The following TIAM2 variants were observed in gnomAD, a reference collection of about 807,000 sequenced individuals.
The protein encoded by TIAM2 is rho guanine nucleotide exchange factor TIAM2.
In TIAM2, 80 loss-of-function variants were observed where a neutral mutation model predicts 152.9. That is an observed-to-expected ratio of 0.52 (90% CI 0.44 to 0.63). The LOEUF (loss-of-function observed/expected upper bound fraction) is 0.63, where lower values mean the gene tolerates loss of function less well. Ranked by LOEUF, TIAM2 falls within the 30% of genes least tolerant of loss-of-function variation. The probability of loss-of-function intolerance (pLI) is 0.00; values close to 1 mark genes in which losing one functional copy is unlikely to be tolerated. For missense variants in TIAM2, 1,965 were observed against 2,120.1 expected, an observed-to-expected ratio of 0.93 and a Z score of 1.44; for synonymous variants, 804 against 838.0, an observed-to-expected ratio of 0.96 and a Z score of 0.70.
chr6:155,185,499 TTTATTTATTTA>T (rs1781022788), intron 14 of TIAM2, among the ~76,000 whole-genome samples: 1 of 8,762 alleles, frequency 1.1e-4, no homozygotes, highest in South Asian at 3.5e-3. Context: ...CTTTTATTTA[TTTATTTATTTA>T]TTTATTTATT....
chr6:155,035,555 G>A (rs921576407), intron 1 of TIAM2, among the ~76,000 whole-genome samples: 1 of 152,130 alleles, frequency 6.6e-6, no homozygotes, highest in Admixed American at 6.6e-5. Context: ...TAATGTTGGA[G>A]TTTTGCAAAC....
Position 155,029,742 on chromosome 6 carries a change from C to CTATA in TIAM2, c.-209+34262_-209+34265dup, listed in dbSNP as rs60980296. On this transcript the variant is annotated intron_variant, in intron 1 of 26. Coordinates refer to ENST00000682666, the MANE Select transcript of TIAM2 (RefSeq NM_012454.4). ...AGTTATATAACTATATAGTATATAA[C>CTATA]TATATATATATATATGTAGAAAAAA... is the stretch of plus-strand genomic sequence containing the variant. 9.2e-3 allele frequency among the ~76,000 whole-genome samples: 1,166 copies of CTATA among 126,410 alleles called. 8 individuals carry two copies. Among genetic ancestry groups the CTATA allele is most frequent in the South Asian group, 0.027 (112 of 4,186 alleles). The allele number at this position is 126,410 out of a possible 152,430, so 82.9% of individuals were successfully genotyped here.
chr6:155,144,816 T>G (rs1348691494), intron 6 of TIAM2, 38 bp downstream of exon 6: 1 of 1,557,244 alleles, frequency 6.4e-7, no homozygotes, highest in Admixed American at 2.1e-5. Flanking sequence ...TAATAGCTTA[T>G]GTACTGCTAG....
chr6:155,253,301 C>T, intron 24 of TIAM2: 1 of 471,072 alleles, frequency 2.1e-6, no homozygotes, highest in Non-Finnish European at 3.8e-6. Context: ...CAATAGTTTT[C>T]AACATTTTCC....
At chr6:155,054,018 C>A (rs914451626) in intron 1 of TIAM2, among the ~76,000 whole-genome samples, 34 of 152,136 alleles carry the variant, frequency 2.2e-4, no homozygotes, top group African/African-American at 6.0e-4. Context: ...ACTAAAAATA[C>A]AAAATCTAGC....
intron 14 of TIAM2, among the ~76,000 whole-genome samples, chr6:155,189,831 C>CTCAGCA (rs1175345748): frequency 2.0e-5 from 3 of 152,106 alleles, no homozygotes; most frequent in Non-Finnish European, 4.4e-5. Context: ...GCACAGGGCT[C>CTCAGCA]TCAGCATCAG....
intron 14 of TIAM2, among the ~76,000 whole-genome samples, chr6:155,204,602 TA>T (rs1158567966): frequency 6.6e-6 from 1 of 152,214 alleles, no homozygotes; most frequent in Non-Finnish European, 1.5e-5. Context: ...TTCAGGATAG[TA>T]AAAGTATATA....
chr6:155,176,733 T>C (rs1780768183), intron 9 of TIAM2, 83 bp from the exon 10 acceptor site: 2 of 1,471,104 alleles, frequency 1.4e-6, no homozygotes, highest in Non-Finnish European at 1.9e-6. Flanking sequence ...AAATACTCCG[T>C]AAATGAACAG....
At chr6:155,125,568 G>A (rs991387675) in intron 2 of TIAM2, among the ~76,000 whole-genome samples, 1 of 152,192 alleles carries the variant, frequency 6.6e-6, no homozygotes, top group African/African-American at 2.4e-5. Context: ...GCTGGGCGCG[G>A]TGGCTCACGC....
At chr6:155,039,701 G>A (rs1266277699) in intron 1 of TIAM2, among the ~76,000 whole-genome samples, 2 of 152,070 alleles carry the variant, frequency 1.3e-5, no homozygotes, top group Non-Finnish European at 2.9e-5. Context: ...TGCATTGTTG[G>A]GGCCCTTCCC....
Position 155,256,506 on chromosome 6 carries a change from C to T in TIAM2, c.4491C>T (p.Val1497=), listed in dbSNP as rs963957640. The T allele has an allele frequency of 1.9e-6, 3 of 1,614,070 alleles. No homozygotes were observed. Among genetic ancestry groups the T allele is most frequent in the African/African-American group, 2.7e-5 (2 of 74,928 alleles). Residue 1497 remains valine, a synonymous_variant, in exon 27 of 27, where the codon GTC becomes GTT. Coordinates refer to ENST00000682666, the MANE Select transcript of TIAM2 (RefSeq NM_012454.4). ...TAGCTTCATCCAGGTCTTTAAAAGTCCTGAAGAATTCCTCCAGCAACGAGT... is the reference window on the plus strand; with the variant it reads ...TAGCTTCATCCAGGTCTTTAAAAGTTCTGAAGAATTCCTCCAGCAACGAGT... ...AKLASSRSLK[V]LKNSSSNEWT... is the part of the protein sequence containing the mutation.
intron 14 of TIAM2, among the ~76,000 whole-genome samples, chr6:155,203,656 T>C (rs1781533040): frequency 6.6e-6 from 1 of 152,216 alleles, no homozygotes; most frequent in African/African-American, 2.4e-5. Context: ...AAATTATTCT[T>C]CTGTAGTTTT....
rs1438240942 is a variant in TIAM2, at chr6:155,174,656, A to T, written c.2362-2160A>T. 6.6e-6 allele frequency among the ~76,000 whole-genome samples: 1 copy of T among 152,238 alleles called. No individual in the cohort carries two copies. The highest frequency in any genetic ancestry group is 6.5e-5 in the Admixed American group (1 of 15,286). On this transcript the variant is annotated intron_variant, in intron 9 of 26. Coordinates refer to ENST00000682666, the MANE Select transcript of TIAM2 (RefSeq NM_012454.4). The surrounding 1 kb of genome is among the most constrained non-coding windows in gnomAD (Gnocchi z 4.2). ...AGTGCTGGAATTACAGACGTGAGCCATGGCGCCCGGCCAAGTGATACAGTC... is the reference window on the plus strand; with the variant it reads ...AGTGCTGGAATTACAGACGTGAGCCTTGGCGCCCGGCCAAGTGATACAGTC...
chr6:155,135,004 CAGG>C (rs1358137989), intron 4 of TIAM2, among the ~76,000 whole-genome samples: 3 of 151,870 alleles, frequency 2.0e-5, no homozygotes, highest in Admixed American at 6.6e-5. Context: ...CGAGCCCAGC[CAGG>C]AGTTTTTGAA....
intron 2 of TIAM2, among the ~76,000 whole-genome samples, chr6:155,118,435 CTT>C (rs869154446): frequency 2.9e-5 from 1 of 34,858 alleles, no homozygotes; most frequent in Non-Finnish European, 6.9e-5. Flanking sequence ...TTTTCTTTTT[CTT>C]TTTTTTTTTT....
At chr6:155,212,077 A>C (rs551691217) in intron 15 of TIAM2, among the ~76,000 whole-genome samples, 1 of 152,342 alleles carries the variant, frequency 6.6e-6, no homozygotes, top group South Asian at 2.1e-4. Context: ...GTAATATTCC[A>C]TTATACGGAT....
intron 1 of TIAM2, among the ~76,000 whole-genome samples, chr6:155,026,007 T>C (rs1196198946): frequency 6.6e-6 from 1 of 152,116 alleles, no homozygotes; most frequent in Non-Finnish European, 1.5e-5. Flanking sequence ...ATCTCACAAA[T>C]AGAATGGGCT....
At chr6:155,007,893 C>T (rs1280425132) in intron 1 of TIAM2, among the ~76,000 whole-genome samples, 1 of 152,094 alleles carries the variant, frequency 6.6e-6, no homozygotes, top group Non-Finnish European at 1.5e-5. Flanking sequence ...GTCACTGCAG[C>T]GTGGCATTTT....
chr6:155,162,160 G>A (rs1019730790), intron 7 of TIAM2, among the ~76,000 whole-genome samples: 1 of 151,940 alleles, frequency 6.6e-6, no homozygotes, highest in Admixed American at 6.6e-5. Flanking sequence ...ATTTCGCCAT[G>A]TTGCCCAGGC....
Sources: allele counts gnomAD v4.1 joint callset (sites outside exome capture counted in the v4.1 genomes callset), GRCh38; gene constraint gnomAD v4.1.1; non-coding constraint Gnocchi (gnomAD v3.1); transcripts MANE v1.5; gene names NCBI Gene and HGNC (gene_info 2026-07-23, HGNC 2026-07-21).